Variants in KCNH1 observed in about 807,000 individuals in gnomAD.
The protein encoded by KCNH1 is potassium voltage-gated channel subfamily H member 1.
In KCNH1, 27 loss-of-function variants were observed where a neutral mutation model predicts 69.2. That is an observed-to-expected ratio of 0.39 (90% confidence interval 0.29 to 0.54). KCNH1 has a LOEUF of 0.54. KCNH1 is among the 20% of genes least tolerant of loss of function. The pLI, the probability that KCNH1 is intolerant of heterozygous loss-of-function variation, is 0.68. For missense variants in KCNH1, 798 were observed against 1,261.6 expected (o/e 0.63, Z 5.57); for synonymous variants, 456 against 487.7 (o/e 0.93, Z 0.86).
chr1:210,741,034 C>T (rs1339297464), intron 10 of KCNH1, among the ~76,000 whole-genome samples: 2 of 152,224 alleles, frequency 1.3e-5, no homozygotes, highest in East Asian at 3.9e-4. Context: ...AAATTCAAGT[C>T]TCTAAAAGGA....
chr1:210,749,547 C>T (rs192262402), intron 10 of KCNH1, among the ~76,000 whole-genome samples: 26 of 152,204 alleles, frequency 1.7e-4, no homozygotes, highest in African/African-American at 5.5e-4. Context: ...GAATTTTGAC[C>T]CCTCTCCTGA....
At chr1:211,115,466 G>C (rs889773770) in intron 1 of KCNH1, among the ~76,000 whole-genome samples, 1 of 151,930 alleles carries the variant, frequency 6.6e-6, no homozygotes, top group Non-Finnish European at 1.5e-5. Flanking sequence ...AATCTGGTGG[G>C]CACCATCTAA....
At chr1:211,110,170 T>G (rs941274787) in intron 1 of KCNH1, among the ~76,000 whole-genome samples, 5 of 152,168 alleles carry the variant, frequency 3.3e-5, no homozygotes, top group African/African-American at 1.2e-4. Flanking sequence ...ATGAAGATAT[T>G]TTCATATATG....
At chr1:211,124,670 T>C (rs1691747464) in intron 1 of KCNH1, among the ~76,000 whole-genome samples, 1 of 152,102 alleles carries the variant, frequency 6.6e-6, no homozygotes, top group Non-Finnish European at 1.5e-5. Flanking sequence ...GAACAAGTAA[T>C]TGGCTCTCTC....
At chr1:210,996,073 T>A (rs1240476719) in intron 6 of KCNH1, among the ~76,000 whole-genome samples, 1 of 152,070 alleles carries the variant, frequency 6.6e-6, no homozygotes, top group Non-Finnish European at 1.5e-5. Context: ...AGAAGACAGG[T>A]GATTTCTGCA....
At chr1:211,096,763 A>G (rs1691163492) in intron 3 of KCNH1, among the ~76,000 whole-genome samples, 1 of 152,196 alleles carries the variant, frequency 6.6e-6, no homozygotes, top group African/African-American at 2.4e-5. Context: ...ACTCTGATGA[A>G]TTAAAATTTA....
chr1:210,973,555 G>A (rs1688550924), intron 6 of KCNH1, among the ~76,000 whole-genome samples: 1 of 151,948 alleles, frequency 6.6e-6, no homozygotes, highest in Non-Finnish European at 1.5e-5. Flanking sequence ...TTATTTTGTG[G>A]CAAGAGTAAT....
chr1:210,781,841 C>A (rs530641020), intron 9 of KCNH1, among the ~76,000 whole-genome samples: 4 of 152,222 alleles, frequency 2.6e-5, no homozygotes, highest in Non-Finnish European at 5.9e-5. Context: ...CGGGGCTAGA[C>A]AAGCTGGCTG....
intron 7 of KCNH1, among the ~76,000 whole-genome samples, chr1:210,871,528 T>C (rs1208166350): frequency 6.6e-6 from 1 of 152,158 alleles, no homozygotes; most frequent in African/African-American, 2.4e-5. Context: ...GAAATACCAT[T>C]TGACCCAGCC....
At chr1:210,690,993 C>G in intron 10 of KCNH1, among the ~76,000 whole-genome samples, 1 of 152,208 alleles carries the variant, frequency 6.6e-6, no homozygotes, top group East Asian at 1.9e-4. Flanking sequence ...CTTTGGAAGT[C>G]AGGCGGACTT....
At chr1:210,943,954 C>T (rs1482540523) in intron 6 of KCNH1, among the ~76,000 whole-genome samples, 4 of 152,170 alleles carry the variant, frequency 2.6e-5, no homozygotes, top group Non-Finnish European at 1.5e-5. Context: ...GGACTGGAAG[C>T]TGGCTTGGCT....
intron 6 of KCNH1, among the ~76,000 whole-genome samples, chr1:211,002,914 T>G (rs770674944): frequency 6.6e-6 from 1 of 152,126 alleles, no homozygotes; most frequent in African/African-American, 2.4e-5. Context: ...TATAAAGAGA[T>G]AGTAGCAGAG....
At chr1:210,863,769 C>T (rs1282990454) in intron 7 of KCNH1, among the ~76,000 whole-genome samples, 7 of 152,178 alleles carry the variant, frequency 4.6e-5, no homozygotes, top group Non-Finnish European at 1.0e-4. Context: ...GCAGCCAGAA[C>T]TGTGTCCTTC....
chr1:210,891,115 CA>C (rs1234237230), intron 7 of KCNH1, among the ~76,000 whole-genome samples: 2 of 152,184 alleles, frequency 1.3e-5, no homozygotes, highest in Non-Finnish European at 2.9e-5. Flanking sequence ...GCACTATTCA[CA>C]AAAGCAAAGA....
intron 10 of KCNH1, among the ~76,000 whole-genome samples, chr1:210,752,327 C>T (rs1683301308): frequency 6.6e-6 from 1 of 152,210 alleles, no homozygotes. Context: ...CAGCTCATAA[C>T]TCCTGGCAGC....
intron 5 of KCNH1, among the ~76,000 whole-genome samples, chr1:211,068,962 C>G (rs1349389070): frequency 1.3e-5 from 2 of 152,140 alleles, no homozygotes; most frequent in Non-Finnish European, 2.9e-5. Flanking sequence ...AATTTTACCT[C>G]CAGGAACTAT....
chr1:210,890,888 A>T (rs1686734564), intron 7 of KCNH1, among the ~76,000 whole-genome samples: 1 of 152,188 alleles, frequency 6.6e-6, no homozygotes, highest in African/African-American at 2.4e-5. Context: ...AAGTCAGGAA[A>T]CAACAGGTGC....
At chr1:210,827,603 T>C (rs1685059561) in intron 7 of KCNH1, among the ~76,000 whole-genome samples, 1 of 152,200 alleles carries the variant, frequency 6.6e-6, no homozygotes, top group African/African-American at 2.4e-5. Context: ...TTCATGCCAC[T>C]GAAATAGGCA....
At chr1:210,842,770 C>A (rs1026232226) in intron 7 of KCNH1, among the ~76,000 whole-genome samples, 19 of 152,260 alleles carry the variant, frequency 1.2e-4, no homozygotes, top group Admixed American at 8.5e-4. Flanking sequence ...CTTTTTACCA[C>A]TGGCATTACT....
Sources: allele counts gnomAD v4.1 joint callset (sites outside exome capture counted in the v4.1 genomes callset), GRCh38; gene constraint gnomAD v4.1.1; transcripts MANE v1.5; gene names NCBI Gene and HGNC (gene_info 2026-07-23, HGNC 2026-07-21).